The following PPARG variants were observed in gnomAD, a reference collection of about 807,000 sequenced individuals.
PPARG encodes the protein peroxisome proliferator activated receptor gamma.
PPARG carries 17 observed loss-of-function variants against 39.2 expected under a neutral mutation model. The ratio of observed to expected loss-of-function variants is 0.43; its 90% CI spans 0.30 to 0.65. The LOEUF (loss-of-function observed/expected upper bound fraction) is 0.65. Ranked by LOEUF, PPARG falls within the 30% of genes least tolerant of loss-of-function variation. The pLI, the probability that PPARG is intolerant of heterozygous loss-of-function variation, is 0.13. For missense variants in PPARG, 406 were observed against 585.9 expected, an observed-to-expected ratio of 0.69 and a Z score of 3.17; for synonymous variants, 223 against 215.7, an observed-to-expected ratio of 1.03 and a Z score of -0.30.
intron 7 of PPARG, among the ~76,000 whole-genome samples, chr3:12,433,314 G>A (rs1037100052): frequency 2.0e-5 from 3 of 152,148 alleles, no homozygotes; most frequent in Non-Finnish European, 4.4e-5. Flanking sequence ...AAGGCGGGTG[G>A]ATCACTTGAG....
chr3:12,401,871 C>T (rs1290208809), intron 5 of PPARG, among the ~76,000 whole-genome samples: 1 of 152,154 alleles, frequency 6.6e-6, no homozygotes, highest in Non-Finnish European at 1.5e-5. Flanking sequence ...GGGGGAACTT[C>T]AACTTACAAA....
At chr3:12,392,927 A>G (rs1158273189) in intron 5 of PPARG, among the ~76,000 whole-genome samples, 175 bp downstream of exon 5, 1 of 152,246 alleles carries the variant, frequency 6.6e-6, no homozygotes, top group Non-Finnish European at 1.5e-5. Context: ...AAGTTTTATT[A>G]TAGAACCTTT....
rs4135326 is a variant in PPARG at position 12,388,246 on chromosome 3, G to A, written c.391-4368G>A. On this transcript the variant is annotated intron_variant, in intron 4 of 7. Coordinates refer to ENST00000651735, the MANE Select transcript of PPARG (RefSeq NM_138711.6). ...TTCAACTGCCAGCAAATTCTACATCGGGCATATTCTTTAAGACATTGCTGA... is the reference window on the plus strand; with the variant it reads ...TTCAACTGCCAGCAAATTCTACATCAGGCATATTCTTTAAGACATTGCTGA... 3.3e-3 allele frequency among the ~76,000 whole-genome samples: 507 copies of A among 152,194 alleles called. 2 individuals carry two copies. Among genetic ancestry groups the A allele is most frequent in the African/African-American group, 0.011 (465 of 41,530 alleles).
intron 2 of PPARG, among the ~76,000 whole-genome samples, chr3:12,358,565 A>G (rs987580105): frequency 1.3e-5 from 2 of 152,216 alleles, no homozygotes; most frequent in East Asian, 3.8e-4. Context: ...ACTATTATCT[A>G]TACTTTACCT....
chr3:12,327,201 T>C (rs1417676941), intron 2 of PPARG, among the ~76,000 whole-genome samples: 1 of 152,222 alleles, frequency 6.6e-6, no homozygotes, highest in Non-Finnish European at 1.5e-5. Context: ...TCCCCTTTGT[T>C]CTGCTGCTGG....
At chr3:12,383,210 T>C (rs1267533302) in intron 4 of PPARG, among the ~76,000 whole-genome samples, 1 of 152,086 alleles carries the variant, frequency 6.6e-6, no homozygotes, top group African/African-American at 2.4e-5. Context: ...CAAGGTCTTA[T>C]TCATCTCTAA....
intron 2 of PPARG, among the ~76,000 whole-genome samples, chr3:12,336,034 TA>T (rs951043225): frequency 7.9e-5 from 12 of 152,190 alleles, no homozygotes; most frequent in Admixed American, 7.9e-4. Flanking sequence ...CTTTCACTCT[TA>T]AAAGTGTCCC....
chr3:12,313,883 T>C (rs1488992673), intron 2 of PPARG, among the ~76,000 whole-genome samples: 1 of 152,248 alleles, frequency 6.6e-6, no homozygotes, highest in Non-Finnish European at 1.5e-5. Flanking sequence ...CTCTTTCTTG[T>C]AGAAGACTTT....
intron 2 of PPARG, among the ~76,000 whole-genome samples, chr3:12,346,530 C>T (rs191007850): frequency 2.6e-5 from 4 of 152,126 alleles, no homozygotes; most frequent in African/African-American, 9.6e-5. Context: ...AAGACAAAAA[C>T]GTAAAACCTA....
intron 2 of PPARG, among the ~76,000 whole-genome samples, chr3:12,326,470 A>C (rs1460080524): frequency 2.6e-5 from 4 of 152,244 alleles, no homozygotes; most frequent in Admixed American, 2.0e-4. Flanking sequence ...GACTGCAAGA[A>C]CATTTGTCCA....
At chr3:12,326,189 C>T (rs1257667061) in intron 2 of PPARG, among the ~76,000 whole-genome samples, 1 of 152,140 alleles carries the variant, frequency 6.6e-6, no homozygotes, top group Non-Finnish European at 1.5e-5. Context: ...CACCCCCTAC[C>T]CCCAAATATG....
At chr3:12,295,575 G>T (rs1454959046) in intron 1 of PPARG, among the ~76,000 whole-genome samples, 2 of 150,512 alleles carry the variant, frequency 1.3e-5, no homozygotes, top group African/African-American at 4.9e-5. Context: ...GTGCAATGGC[G>T]CCATCTTGGC....
rs3856806 is a variant in PPARG, at chr3:12,434,058, C to T, written c.1341C>T (p.His447=). 205,067 of 1,614,040 alleles carry T rather than the reference C, an allele frequency of 0.13. 13,821 individuals are homozygous for T. The highest frequency in any genetic ancestry group is 0.2 in the East Asian group (9,007 of 44,870). ...ACCTCAGACAGATTGTCACGGAACA[C>T]GTGCAGCTACTGCAGGTGATCAAGA... is the stretch of plus-strand genomic sequence containing the variant. ...MTDLRQIVTE[H]VQLLQVIKKT... The change falls in exon 8 of 8, where the codon CAC becomes CAT. Residue 447 remains histidine (H), a synonymous_variant. Transcript: ENST00000651735. The surrounding 1 kb of genome is among the most constrained non-coding windows in gnomAD (Gnocchi z 4.2).
At chr3:12,291,724 A>G (rs1207419166) in intron 1 of PPARG, among the ~76,000 whole-genome samples, 1 of 152,202 alleles carries the variant, frequency 6.6e-6, no homozygotes, top group East Asian at 1.9e-4. Flanking sequence ...AGATTTACAT[A>G]TTTTTAAAAT....
chr3:12,309,786 A>G (rs1464206637), intron 1 of PPARG, among the ~76,000 whole-genome samples: 1 of 152,106 alleles, frequency 6.6e-6, no homozygotes, highest in Admixed American at 6.5e-5. Context: ...GGCCTGCCTT[A>G]TTATTTACTT....
intron 1 of PPARG, among the ~76,000 whole-genome samples, chr3:12,307,376 G>A (rs2047101642): frequency 6.6e-6 from 1 of 152,092 alleles, no homozygotes; most frequent in African/African-American, 2.4e-5. Context: ...TCATTTGTGA[G>A]TGTTCACATA....
At chr3:12,323,484 A>G (rs1355954949) in intron 2 of PPARG, among the ~76,000 whole-genome samples, 1 of 152,208 alleles carries the variant, frequency 6.6e-6, no homozygotes, top group Admixed American at 6.5e-5. Flanking sequence ...AAGGAAGACA[A>G]CACTTAGTAC....
intron 1 of PPARG, among the ~76,000 whole-genome samples, 189 bp from the exon 2 acceptor site, chr3:12,312,191 G>T (rs2047265647): frequency 1.3e-5 from 2 of 152,196 alleles, no homozygotes; most frequent in African/African-American, 4.8e-5. Flanking sequence ...ATCATTTTGT[G>T]GTCTGTTAGT....
intron 2 of PPARG, chr3:12,372,090 G>A (rs773387388): frequency 1.4e-5 from 10 of 721,482 alleles, no homozygotes; most frequent in Admixed American, 4.0e-5. Flanking sequence ...AAACTACAAA[G>A]GACCTATGAA....
Sources: gnomAD v4.1 joint callset for allele counts (sites outside exome capture counted in the v4.1 genomes callset) on GRCh38, gnomAD v4.1.1 for gene constraint, Gnocchi (gnomAD v3.1) non-coding constraint, MANE v1.5 for transcripts, NCBI Gene and HGNC (gene_info 2026-07-23, HGNC 2026-07-21) for gene names.